The following PTPRD variants were observed in gnomAD, a reference collection of about 807,000 sequenced individuals.
PTPRD encodes receptor-type tyrosine-protein phosphatase delta.
A neutral mutation model predicts 214.5 loss-of-function variants in PTPRD; 34 were observed. The ratio of observed to expected loss-of-function variants is 0.16; its 90% CI spans 0.12 to 0.21. The LOEUF (loss-of-function observed/expected upper bound fraction) is 0.21. Among genes scored for constraint, PTPRD ranks in the 10% least tolerant of loss-of-function variants. The probability of loss-of-function intolerance (pLI) is 1.00; values close to 1 mark genes in which losing one functional copy is unlikely to be tolerated. For synonymous variants in PTPRD, 1,128 were observed against 845.7 expected (o/e 1.33, Z -5.79); for missense variants, 2,545 against 2,398.7 (o/e 1.06, Z -1.27).
intron 35 of PTPRD, among the ~76,000 whole-genome samples, chr9:8,424,076 T>C (rs1006074535): frequency 2.6e-5 from 4 of 152,154 alleles, no homozygotes; most frequent in African/African-American, 7.2e-5. Context: ...GGTATAAAGG[T>C]TCCTATCCAA....
At chr9:9,423,223 C>G (rs2079497460) in intron 8 of PTPRD, among the ~76,000 whole-genome samples, 1 of 152,080 alleles carries the variant, frequency 6.6e-6, no homozygotes, top group Non-Finnish European at 1.5e-5. Flanking sequence ...GAAGCCTTAA[C>G]CCCCAACATG....
chr9:8,478,936 G>A (rs2096824278), intron 30 of PTPRD, among the ~76,000 whole-genome samples: 3 of 152,202 alleles, frequency 2.0e-5, no homozygotes, highest in African/African-American at 7.2e-5. Context: ...GAAAACAGGT[G>A]TCAATCACCA....
At chr9:8,382,378 A>G (rs2085379152) in intron 37 of PTPRD, among the ~76,000 whole-genome samples, 1 of 152,176 alleles carries the variant, frequency 6.6e-6, no homozygotes, top group Non-Finnish European at 1.5e-5. Context: ...GAATGCAGAG[A>G]ATGAGAGAGG....
At chr9:8,322,093 A>G (rs1828932126) in intron 44 of PTPRD, among the ~76,000 whole-genome samples, 1 of 149,930 alleles carries the variant, frequency 6.7e-6, no homozygotes, top group Non-Finnish European at 1.5e-5. Context: ...GACAACAAAC[A>G]CTTAATTGAC....
intron 3 of PTPRD, among the ~76,000 whole-genome samples, chr9:10,140,052 T>A (rs2098972293): frequency 1.3e-5 from 2 of 151,984 alleles, no homozygotes; most frequent in Admixed American, 6.6e-5. Context: ...CTAACTAAAT[T>A]AAAGAGCTTC....
At chr9:10,023,326 C>T (rs2096859194) in intron 4 of PTPRD, among the ~76,000 whole-genome samples, 1 of 152,094 alleles carries the variant, frequency 6.6e-6, no homozygotes, top group Admixed American at 6.6e-5. Flanking sequence ...GGAAAGGAAC[C>T]TGGGCCTCTC....
chr9:9,307,538 G>T (rs1957515940), intron 9 of PTPRD, among the ~76,000 whole-genome samples: 1 of 152,068 alleles, frequency 6.6e-6, no homozygotes, highest in African/African-American at 2.4e-5. Flanking sequence ...TGGCTGTGCT[G>T]TTATATCACT....
intron 11 of PTPRD, among the ~76,000 whole-genome samples, chr9:8,846,506 G>A (rs1975198): frequency 0.13 from 20,222 of 152,078 alleles, 1,645 homozygotes; most frequent in East Asian, 0.23. Flanking sequence ...TTCTTTTAGT[G>A]CCCAGAGAAA....
chr9:9,294,173 G>A (rs992539498), intron 9 of PTPRD, among the ~76,000 whole-genome samples: 4 of 151,618 alleles, frequency 2.6e-5, no homozygotes, highest in African/African-American at 7.3e-5. Flanking sequence ...ACACTACTAA[G>A]AATGTTGTGA....
intron 9 of PTPRD, among the ~76,000 whole-genome samples, chr9:9,186,468 G>A (rs910139678): frequency 2.0e-5 from 3 of 151,982 alleles, no homozygotes; most frequent in Admixed American, 6.6e-5. Context: ...AAAGCTAGCT[G>A]GGCATTGTGG....
At chr9:8,740,692 C>G (rs749624686) in intron 11 of PTPRD, among the ~76,000 whole-genome samples, 5 of 152,120 alleles carry the variant, frequency 3.3e-5, no homozygotes, top group Non-Finnish European at 7.4e-5. Context: ...CACATCAAAT[C>G]AAAAACTCCA....
At chr9:8,665,856 C>T (rs2097159741) in intron 12 of PTPRD, among the ~76,000 whole-genome samples, 1 of 152,146 alleles carries the variant, frequency 6.6e-6, no homozygotes. Flanking sequence ...ACTCCTTAGA[C>T]TTGTTATTAT....
intron 10 of PTPRD, among the ~76,000 whole-genome samples, chr9:9,169,467 G>A (rs893009452): frequency 6.6e-6 from 1 of 152,076 alleles, no homozygotes; most frequent in Non-Finnish European, 1.5e-5. Context: ...CAATGCTAAA[G>A]TTAGGAGATT....
At chr9:8,618,514 T>G (rs1217647640) in intron 14 of PTPRD, among the ~76,000 whole-genome samples, 3 of 152,080 alleles carry the variant, frequency 2.0e-5, no homozygotes, top group African/African-American at 7.2e-5. Flanking sequence ...AATTACTTGC[T>G]AGATTCTCAG....
chr9:10,285,327 T>C (rs1340813503), intron 3 of PTPRD, among the ~76,000 whole-genome samples: 1 of 152,228 alleles, frequency 6.6e-6, no homozygotes, highest in African/African-American at 2.4e-5. Flanking sequence ...ATTTTTTATT[T>C]ATTTTTCTTT....
At chr9:10,388,546 T>G (rs1307530724) in intron 2 of PTPRD, among the ~76,000 whole-genome samples, 1 of 150,954 alleles carries the variant, frequency 6.6e-6, no homozygotes, top group Non-Finnish European at 1.5e-5. Context: ...AATAAACACA[T>G]GCATTTTGAA....
At position 9,370,428 on chromosome 9, in the gene PTPRD, A is replaced by T. The variant is rs572579823; in HGVS notation, c.-203+27021T>A. On this transcript the variant is annotated intron_variant, in intron 9 of 45. Transcript: ENST00000381196. ...CTCTCTATTTGTCTGTTATTGGTGTATAAGAAGGCTTGTGATTTTTGCACA... is the reference window on the plus strand; with the variant it reads ...CTCTCTATTTGTCTGTTATTGGTGTTTAAGAAGGCTTGTGATTTTTGCACA... Among the ~76,000 whole-genome samples the T allele has an allele frequency of 6.2e-3, 948 of 151,700 alleles. 18 individuals are homozygous for T. The highest frequency in any genetic ancestry group is 0.022 in the African/African-American group (886 of 41,150).
At chr9:8,958,394 C>T (rs1015193973) in intron 11 of PTPRD, among the ~76,000 whole-genome samples, 2 of 151,800 alleles carry the variant, frequency 1.3e-5, no homozygotes, top group Non-Finnish European at 2.9e-5. Context: ...GATGTTTAGC[C>T]TTTTCAAAAA....
chr9:9,715,832 T>G (rs891683221), intron 7 of PTPRD, among the ~76,000 whole-genome samples: 2 of 152,180 alleles, frequency 1.3e-5, no homozygotes, highest in African/African-American at 4.8e-5. Context: ...AATCAAACTG[T>G]TGCTAAGAAG....
Sources: allele counts gnomAD v4.1 joint callset (sites outside exome capture counted in the v4.1 genomes callset), GRCh38; gene constraint gnomAD v4.1.1; transcripts MANE v1.5; gene names NCBI Gene and HGNC (gene_info 2026-07-23, HGNC 2026-07-21).